The following TRAPPC11 variants were observed in gnomAD, a reference collection of about 807,000 sequenced individuals.
The protein encoded by TRAPPC11 is trafficking protein particle complex subunit 11, also known as foie gras homolog.
TRAPPC11 carries 104 observed loss-of-function variants against 151.2 expected under a neutral mutation model. That is an observed-to-expected ratio of 0.69 (90% CI 0.59 to 0.81). TRAPPC11 has a LOEUF of 0.81. TRAPPC11 is among the 30% of genes least tolerant of loss of function. TRAPPC11 has a pLI of 0.00. For synonymous variants in TRAPPC11, 456 were observed against 472.3 expected (o/e 0.97, Z 0.45); for missense variants, 1,230 against 1,349.6 (o/e 0.91, Z 1.39).
chr4:183,708,493 T>C lies in TRAPPC11; in HGVS notation c.3276T>C (p.Ser1092=), dbSNP rs1579231542. The C allele has an allele frequency of 6.2e-7, 1 of 1,614,164 alleles. No individual in the cohort carries two copies. The change falls in exon 29 of 30, where the codon TCT becomes TCC. Residue 1092 remains serine, a synonymous_variant. Coordinates refer to ENST00000334690, the MANE Select transcript of TRAPPC11 (RefSeq NM_021942.6). The stretch of plus-strand genomic sequence containing the variant: ...TGGCTGGATACCAGCAGCTGCCATC[T>C]CTCAACATCAACTTGCTTAGATTTC... The part of the protein sequence containing the change: ...PLMAGYQQLP[S]LNINLLRFPN...
At chr4:183,694,744 T>C (rs752762356) in intron 23 of TRAPPC11, 21 bp downstream of exon 23, 2 of 1,600,834 alleles carry the variant, frequency 1.2e-6, no homozygotes, top group South Asian at 2.3e-5. Flanking sequence ...ATAGCTACTT[T>C]ATAAAGCATC....
rs1248492229 is a variant in TRAPPC11, at chr4:183,693,908, C to G, written c.2387-9C>G. ...CTTTGTTTTGAAGAACCAATATTAA[C>G]TCTTTTAGGACAGGATGCCAATTTA... On this transcript the variant is annotated splice_polypyrimidine_tract_variant and intron_variant, in intron 21 of 29. Transcript: ENST00000334690. 1 of 1,611,486 alleles carries G rather than the reference C, an allele frequency of 6.2e-7. No homozygotes were observed. The highest frequency in any genetic ancestry group is 8.5e-7 in the Non-Finnish European group (1 of 1,178,018).
intron 5 of TRAPPC11, among the ~76,000 whole-genome samples, chr4:183,668,320 G>T (rs1449089262): frequency 7.3e-6 from 1 of 136,664 alleles, no homozygotes; most frequent in African/African-American, 2.9e-5. Flanking sequence ...ATCAACAGTT[G>T]CTCAAGTTTC....
intron 5 of TRAPPC11, among the ~76,000 whole-genome samples, chr4:183,669,435 C>T (rs1735037443): frequency 1.3e-5 from 2 of 152,154 alleles, no homozygotes; most frequent in Non-Finnish European, 2.9e-5. Context: ...TCAGTGCTTT[C>T]CTATTCACAG....
chr4:183,670,679 C>A (rs1735108524), intron 5 of TRAPPC11, among the ~76,000 whole-genome samples: 1 of 152,178 alleles, frequency 6.6e-6, no homozygotes, highest in African/African-American at 2.4e-5. Context: ...AATCTCGGCT[C>A]ACTGCAACCT....
intron 26 of TRAPPC11, among the ~76,000 whole-genome samples, chr4:183,703,875 A>G (rs1393237010): frequency 1.3e-5 from 2 of 152,210 alleles, no homozygotes; most frequent in Non-Finnish European, 2.9e-5. Flanking sequence ...TTGGAACACC[A>G]CTATGTTTGT....
At chr4:183,663,369 GA>G (rs1734659509) in intron 1 of TRAPPC11, among the ~76,000 whole-genome samples, 1 of 152,100 alleles carries the variant, frequency 6.6e-6, no homozygotes, top group East Asian at 1.9e-4. Flanking sequence ...GAGTAGCTGG[GA>G]CTACAGGCGC....
At chr4:183,676,559 T>C (rs758819200) in intron 7 of TRAPPC11, among the ~76,000 whole-genome samples, 2 of 152,240 alleles carry the variant, frequency 1.3e-5, no homozygotes, top group Admixed American at 6.5e-5. Context: ...GAACAAACTT[T>C]TTCTATGAAA....
At chr4:183,661,142 G>C (rs966169947) in intron 1 of TRAPPC11, among the ~76,000 whole-genome samples, 1 of 151,958 alleles carries the variant, frequency 6.6e-6, no homozygotes, top group African/African-American at 2.4e-5. Flanking sequence ...AAAACAATCT[G>C]TTGTAGACAT....
Position 183,712,627 on chromosome 4 carries a change from T to A in TRAPPC11, c.3385T>A (p.Ser1129Thr), listed in dbSNP as rs772036743. ...ACAGGGTCGACTCATGGATGATACC[T>A]CTATTGCTGCTGCATGATGTTCAAG... ...KPQGRLMDDT[S>T]IAAA Residue 1129 changes from serine to threonine, a missense_variant, in exon 30 of 30, where the codon TCT (serine) becomes ACT (threonine). Physicochemically the swap from Ser to Thr is moderately conservative, Grantham distance 58. Transcript: ENST00000334690. 6.2e-7 allele frequency: 1 copy of A among 1,614,226 alleles called. No individual in the cohort carries two copies. Among genetic ancestry groups the A allele is most frequent in the South Asian group, 1.1e-5 (1 of 91,082 alleles).
intron 1 of TRAPPC11, among the ~76,000 whole-genome samples, chr4:183,660,118 C>A (rs910818676): frequency 6.6e-6 from 1 of 152,228 alleles, no homozygotes; most frequent in East Asian, 1.9e-4. Context: ...TCATTGAAAT[C>A]CATTCGATCT....
intron 29 of TRAPPC11, among the ~76,000 whole-genome samples, chr4:183,711,059 T>C (rs1737318230): frequency 6.6e-6 from 1 of 152,058 alleles, no homozygotes; most frequent in Non-Finnish European, 1.5e-5. Context: ...TTCTACAGTG[T>C]ATATATAGTG....
intron 23 of TRAPPC11, among the ~76,000 whole-genome samples, 196 bp downstream of exon 23, chr4:183,694,919 A>G (rs559959265): frequency 1.3e-5 from 2 of 151,908 alleles, no homozygotes; most frequent in East Asian, 1.9e-4. Flanking sequence ...CAAACATTAA[A>G]CAGAAAATTA....
intron 22 of TRAPPC11, 111 bp downstream of exon 22, chr4:183,694,149 A>G (rs1399836007): frequency 9.5e-6 from 11 of 1,157,556 alleles, no homozygotes; most frequent in South Asian, 8.0e-5. Flanking sequence ...AGGACTGAAA[A>G]AGTGATTTAA....
chr4:183,694,988 G>A (rs1316863289), intron 23 of TRAPPC11, among the ~76,000 whole-genome samples: 6 of 131,492 alleles, frequency 4.6e-5, no homozygotes, highest in Admixed American at 9.0e-5. Context: ...TGCCCTTGTC[G>A]CCCAGGCTGG....
Position 183,693,648 on chromosome 4 carries a change from C to T in TRAPPC11, c.2297C>T (p.Thr766Ile). The change falls in exon 21 of 30, where the codon ACT (threonine) becomes ATT (isoleucine). Residue 766 changes from threonine (T) to isoleucine (I), a missense_variant. Physicochemically the swap from Thr to Ile is moderately conservative, Grantham distance 89 (BLOSUM62 -1). Coordinates refer to ENST00000334690, the MANE Select transcript of TRAPPC11 (RefSeq NM_021942.6). ...CTGCTACATGAACCCCCTGCACTGA[C>T]TAATGAAATGTATTGTTTGGTTGTG... ...VHLLHEPPAL[T>I]NEMYCLVVTV... is the part of the protein sequence containing the mutation. The T allele has an allele frequency of 6.2e-7, 1 of 1,614,130 alleles. No individual in the cohort carries two copies. Among genetic ancestry groups the T allele is most frequent in the Non-Finnish European group, 8.5e-7 (1 of 1,180,010 alleles).
At chr4:183,663,482 C>T (rs757901348) in intron 1 of TRAPPC11, among the ~76,000 whole-genome samples, 7 of 152,286 alleles carry the variant, frequency 4.6e-5, no homozygotes, top group East Asian at 3.9e-4. Context: ...ATCTGCCCAC[C>T]TAGGCCTCCC....
At chr4:183,688,986 C>T (rs1236302781) in intron 18 of TRAPPC11, among the ~76,000 whole-genome samples, 1 of 152,086 alleles carries the variant, frequency 6.6e-6, no homozygotes, top group African/African-American at 2.4e-5. Context: ...AGGAGCCCAC[C>T]CACCTCAGCC....
In TRAPPC11 at chr4:183,686,747, A is replaced by C; in HGVS notation, c.1892A>C (p.Gln631Pro). The change falls in exon 18 of 30, where the codon CAG (glutamine) becomes CCG (proline). Residue 631 changes from glutamine (Q) to proline (P), a missense_variant and splice_region_variant. Physicochemically the swap from Gln to Pro is moderately conservative, Grantham distance 76. Transcript: ENST00000334690. ...FSKLCVSFNN[Q>P]EYNQFCVIEE... The stretch of plus-strand genomic sequence containing the variant: ...AAGCTCTGTGTCAGCTTTAATAATC[A>C]GGTAATGATGCCATGTCATGTGTTT... 1.2e-6 allele frequency: 2 copies of C among 1,613,968 alleles called. No homozygotes were observed. The highest frequency in any genetic ancestry group is 1.7e-6 in the Non-Finnish European group (2 of 1,179,906).
Sources: allele counts gnomAD v4.1 joint callset (sites outside exome capture counted in the v4.1 genomes callset), GRCh38; gene constraint gnomAD v4.1.1; transcripts MANE v1.5; gene names NCBI Gene and HGNC (gene_info 2026-07-23, HGNC 2026-07-21).